The following TNIK variants were observed in gnomAD, a reference collection of about 807,000 sequenced individuals.
TNIK encodes the protein TRAF2 and NCK interacting kinase.
In TNIK, 49 loss-of-function variants were observed where a neutral mutation model predicts 191.3. The ratio of observed to expected loss-of-function variants is 0.26; its 90% confidence interval spans 0.20 to 0.32. The LOEUF is 0.32. Among genes scored for constraint, TNIK ranks in the 10% least tolerant of loss-of-function variants. The probability of loss-of-function intolerance (pLI) is 1.00; values close to 1 mark genes in which losing one functional copy is unlikely to be tolerated. For synonymous variants in TNIK, 594 were observed against 600.9 expected, an observed-to-expected ratio of 0.99 and a Z score of 0.17; for missense variants, 1,155 against 1,702.3, an observed-to-expected ratio of 0.68 and a Z score of 5.66.
intron 10 of TNIK, among the ~76,000 whole-genome samples, chr3:171,164,958 C>T (rs1734431603): frequency 6.6e-6 from 1 of 152,198 alleles, no homozygotes; most frequent in Non-Finnish European, 1.5e-5. Flanking sequence ...CTAAGCTGAT[C>T]ATACATTCCT....
At chr3:171,217,729 A>G in intron 3 of TNIK, among the ~76,000 whole-genome samples, 1 of 152,178 alleles carries the variant, frequency 6.6e-6, no homozygotes, top group Non-Finnish European at 1.5e-5. Flanking sequence ...AGAATGAGAT[A>G]TATGCAAAAT....
chr3:171,216,250 G>A (rs771740285), intron 3 of TNIK, among the ~76,000 whole-genome samples: 20 of 152,028 alleles, frequency 1.3e-4, no homozygotes, highest in Non-Finnish European at 2.4e-4. Context: ...TGCAATAGAA[G>A]TTTTTTTCAG....
chr3:171,134,058 G>T (rs1280777056), intron 15 of TNIK, among the ~76,000 whole-genome samples: 2 of 152,028 alleles, frequency 1.3e-5, no homozygotes, highest in East Asian at 3.9e-4. Flanking sequence ...GAAAAGGAAG[G>T]GGAGCCCACA....
intron 7 of TNIK, among the ~76,000 whole-genome samples, chr3:171,178,730 C>T (rs1295120375): frequency 1.3e-5 from 2 of 152,164 alleles, no homozygotes; most frequent in African/African-American, 4.8e-5. Flanking sequence ...CAATGGCCCA[C>T]ATCCTAATAT....
intron 2 of TNIK, among the ~76,000 whole-genome samples, chr3:171,357,743 C>G (rs902204804): frequency 6.6e-6 from 1 of 152,148 alleles, no homozygotes; most frequent in African/African-American, 2.4e-5. Flanking sequence ...CTGCCTGAAC[C>G]AAGTGTTAAG....
At chr3:171,304,336 C>T (rs921018491) in intron 2 of TNIK, among the ~76,000 whole-genome samples, 12 of 151,958 alleles carry the variant, frequency 7.9e-5, no homozygotes, top group Admixed American at 2.6e-4. Flanking sequence ...GTTAGAATGG[C>T]GATCATTAAA....
intron 1 of TNIK, among the ~76,000 whole-genome samples, chr3:171,441,761 C>T (rs912060991): frequency 6.6e-6 from 1 of 152,136 alleles, no homozygotes; most frequent in African/African-American, 2.4e-5. Flanking sequence ...ATTTCATAGA[C>T]CCACCGGCAA....
chr3:171,434,183 G>T (rs1439497724), intron 1 of TNIK, among the ~76,000 whole-genome samples: 1 of 151,846 alleles, frequency 6.6e-6, no homozygotes, highest in Non-Finnish European at 1.5e-5. Context: ...CGATCTGCCT[G>T]CCTTGGCCTC....
chr3:171,218,187 G>C (rs912305151), intron 3 of TNIK, among the ~76,000 whole-genome samples: 1 of 152,140 alleles, frequency 6.6e-6, no homozygotes, highest in East Asian at 1.9e-4. Context: ...GAGCCATGAA[G>C]TGTCAGAACT....
At chr3:171,106,674 A>G (rs1724942707) in intron 21 of TNIK, 1 of 533,658 alleles carries the variant, frequency 1.9e-6, no homozygotes, top group Non-Finnish European at 3.9e-6. Flanking sequence ...AAATAAAGTC[A>G]CTTAACTTTC....
At chr3:171,240,125 G>A (rs1744771842) in intron 2 of TNIK, among the ~76,000 whole-genome samples, 1 of 152,140 alleles carries the variant, frequency 6.6e-6, no homozygotes, top group African/African-American at 2.4e-5. Flanking sequence ...AGTTTTCCCT[G>A]ACTCCAGTGA....
At chr3:171,141,710 T>A (rs1576943950) in intron 12 of TNIK, among the ~76,000 whole-genome samples, 2 of 152,332 alleles carry the variant, frequency 1.3e-5, no homozygotes, top group East Asian at 3.9e-4. Flanking sequence ...TTCCCATACA[T>A]CATGGCATTA....
intron 4 of TNIK, among the ~76,000 whole-genome samples, chr3:171,198,393 G>A (rs555192571): frequency 2.0e-5 from 3 of 152,256 alleles, no homozygotes; most frequent in African/African-American, 4.8e-5. Flanking sequence ...GGTGTAGGGG[G>A]TAACAGGAAT....
chr3:171,120,076 T>C (rs1259131559), intron 18 of TNIK, among the ~76,000 whole-genome samples: 1 of 152,204 alleles, frequency 6.6e-6, no homozygotes, highest in African/African-American at 2.4e-5. Flanking sequence ...TTTACTTTTG[T>C]CCTCAAGTTA....
chr3:171,189,585 G>A (rs1478229632), intron 6 of TNIK, among the ~76,000 whole-genome samples: 2 of 152,132 alleles, frequency 1.3e-5, no homozygotes, highest in African/African-American at 4.8e-5. Context: ...CATTTCTGCC[G>A]CTACTAGTGG....
chr3:171,441,207 T>C (rs1726758370), intron 1 of TNIK, among the ~76,000 whole-genome samples: 2 of 152,130 alleles, frequency 1.3e-5, no homozygotes, highest in Non-Finnish European at 2.9e-5. Context: ...TTAACACCTT[T>C]ATTGAGGTAC....
chr3:171,114,445 G>C (rs937247673), intron 18 of TNIK, among the ~76,000 whole-genome samples: 4 of 152,140 alleles, frequency 2.6e-5, no homozygotes, highest in African/African-American at 9.7e-5. Flanking sequence ...TAGTCTACCA[G>C]TAACCCAGTC....
At chr3:171,309,978 T>C (rs906398683) in intron 2 of TNIK, among the ~76,000 whole-genome samples, 2 of 152,160 alleles carry the variant, frequency 1.3e-5, no homozygotes, top group Non-Finnish European at 2.9e-5. Context: ...GAAATCCTTT[T>C]TCTGAAATCC....
chr3:171,177,199 T>C, intron 8 of TNIK, 127 bp downstream of exon 8: 1 of 834,122 alleles, frequency 1.2e-6, no homozygotes, highest in Non-Finnish European at 1.7e-6. Flanking sequence ...GCTTTCTAAA[T>C]ATGCCAGCTT....
Sources: allele counts gnomAD v4.1 joint callset (sites outside exome capture counted in the v4.1 genomes callset), GRCh38; gene constraint gnomAD v4.1.1; transcripts MANE v1.5; gene names NCBI Gene and HGNC (gene_info 2026-07-23, HGNC 2026-07-21).